Variants in MYO1D observed in about 807,000 individuals in gnomAD.
MYO1D encodes the protein myosin ID, also known as unconventional myosin-Id.
In MYO1D, 83 loss-of-function variants were observed where a neutral mutation model predicts 122.0. The observed-to-expected ratio is 0.68, with a 90% CI of 0.57 to 0.82. The LOEUF is 0.82. MYO1D is among the 40% of genes least tolerant of loss of function. The pLI is 0.00. For missense variants in MYO1D, 1,157 were observed against 1,269.5 expected, an observed-to-expected ratio of 0.91 and a Z score of 1.35; for synonymous variants, 464 against 446.9, an observed-to-expected ratio of 1.04 and a Z score of -0.48.
At chr17:32,759,656 G>A (rs2151015548) in intron 10 of MYO1D, among the ~76,000 whole-genome samples, 1 of 152,042 alleles carries the variant, frequency 6.6e-6, no homozygotes, top group South Asian at 2.1e-4. Context: ...AACCAAACAA[G>A]TCATGCCTTT....
At chr17:32,679,552 C>T (rs1393208803) in intron 16 of MYO1D, among the ~76,000 whole-genome samples, 1 of 152,012 alleles carries the variant, frequency 6.6e-6, no homozygotes, top group Non-Finnish European at 1.5e-5. Flanking sequence ...TCAGGTTTGT[C>T]AAAGATCAGA....
chr17:32,772,923 C>A, intron 4 of MYO1D, 81 bp from the exon 5 acceptor site: 1 of 1,143,750 alleles, frequency 8.7e-7, no homozygotes, highest in South Asian at 1.2e-5. Context: ...AGGGAACTGT[C>A]AGGCCTCTGA....
intron 1 of MYO1D, among the ~76,000 whole-genome samples, chr17:32,803,130 G>A (rs889030912): frequency 1.3e-5 from 2 of 152,030 alleles, no homozygotes; most frequent in African/African-American, 4.8e-5. Context: ...GAACCAAGTT[G>A]TGCCAGAACT....
chr17:32,799,692 A>C (rs1457541181), intron 1 of MYO1D, among the ~76,000 whole-genome samples: 1 of 152,066 alleles, frequency 6.6e-6, no homozygotes, highest in Non-Finnish European at 1.5e-5. Context: ...AAAACCAGAC[A>C]AATGGGATTG....
chr17:32,831,851 G>A (rs969052650), intron 1 of MYO1D, among the ~76,000 whole-genome samples: 4 of 152,102 alleles, frequency 2.6e-5, no homozygotes, highest in African/African-American at 9.7e-5. Flanking sequence ...AATTTGAATG[G>A]CCTGATCAGG....
intron 21 of MYO1D, among the ~76,000 whole-genome samples, chr17:32,584,687 G>A (rs1473230995): frequency 2.0e-5 from 3 of 151,872 alleles, no homozygotes; most frequent in Non-Finnish European, 4.4e-5. Context: ...AGAGACAAGA[G>A]TCTTGCCATG....
chr17:32,556,551 A>ATTT lies in MYO1D; in HGVS notation c.2864+48533_2864+48535dup, dbSNP rs66782964. On this transcript the variant is annotated intron_variant, in intron 21 of 21. Coordinates refer to ENST00000318217, the MANE Select transcript of MYO1D (RefSeq NM_015194.3). ...TGCAGACACAGGGTTTATGGCCACA[A>ATTT]TTTTTTTTTTTTTTTTTAAGATGGG... Among the ~76,000 whole-genome samples the ATTT allele has an allele frequency of 4.5e-3, 624 of 139,614 alleles. 10 individuals carry two copies. Among genetic ancestry groups the ATTT allele is most frequent in the African/African-American group, 0.014 (534 of 37,158 alleles). 91.6% of individuals were successfully genotyped at this position (139,614 alleles called of 152,430 possible).
At chr17:32,806,074 C>A (rs112939318) in intron 1 of MYO1D, among the ~76,000 whole-genome samples, 1 of 152,030 alleles carries the variant, frequency 6.6e-6, no homozygotes, top group Admixed American at 6.5e-5. Flanking sequence ...CTGGCTAGCA[C>A]GGTGAAACCC....
At chr17:32,647,022 T>C (rs1446480275) in intron 19 of MYO1D, among the ~76,000 whole-genome samples, 1 of 152,244 alleles carries the variant, frequency 6.6e-6, no homozygotes, top group Non-Finnish European at 1.5e-5. Context: ...TTTCTTCTAT[T>C]ATCCAAAACT....
intron 16 of MYO1D, among the ~76,000 whole-genome samples, chr17:32,678,390 C>T (rs1263126496): frequency 1.4e-4 from 21 of 148,930 alleles, no homozygotes; most frequent in Non-Finnish European, 2.5e-4. Context: ...GTATATCTCC[C>T]GATGCTATCC....
chr17:32,608,046 A>G (rs1325182712), intron 20 of MYO1D, among the ~76,000 whole-genome samples: 2 of 152,220 alleles, frequency 1.3e-5, no homozygotes, highest in African/African-American at 2.4e-5. Context: ...AGGAGAAAAC[A>G]TAGAAGAAAA....
At chr17:32,815,416 C>T (rs776516038) in intron 1 of MYO1D, among the ~76,000 whole-genome samples, 3 of 152,174 alleles carry the variant, frequency 2.0e-5, no homozygotes, top group South Asian at 2.1e-4. Context: ...TCATTCCAAA[C>T]TTGTGGCTCA....
At chr17:32,602,992 T>C (rs2087580016) in intron 21 of MYO1D, among the ~76,000 whole-genome samples, 1 of 152,128 alleles carries the variant, frequency 6.6e-6, no homozygotes, top group South Asian at 2.1e-4. Flanking sequence ...AAGCCTGACT[T>C]TTCTGGGGTC....
intron 20 of MYO1D, among the ~76,000 whole-genome samples, chr17:32,620,682 T>C (rs2087843873): frequency 1.3e-5 from 2 of 152,192 alleles, no homozygotes; most frequent in South Asian, 4.1e-4. Flanking sequence ...GTGAGACAGG[T>C]AGGGAGAAAT....
chr17:32,553,632 G>A (rs225187), intron 21 of MYO1D, among the ~76,000 whole-genome samples: 12,601 of 152,098 alleles, frequency 0.083, 654 homozygotes, highest in East Asian at 0.14. Flanking sequence ...TTTTTCTCTC[G>A]GCACTGCTGT....
intron 21 of MYO1D, among the ~76,000 whole-genome samples, chr17:32,548,613 C>T (rs1351967440): frequency 6.6e-6 from 1 of 152,046 alleles, no homozygotes; most frequent in East Asian, 1.9e-4. Flanking sequence ...ATCCTGTTTT[C>T]CAGTGCCAGT....
At chr17:32,532,710 T>C (rs1364302444) in intron 21 of MYO1D, among the ~76,000 whole-genome samples, 3 of 115,160 alleles carry the variant, frequency 2.6e-5, no homozygotes, top group Admixed American at 1.2e-4. Flanking sequence ...GGCGACAGAG[T>C]GAGACTCCGT....
At chr17:32,797,636 A>G (rs1445664138) in intron 1 of MYO1D, among the ~76,000 whole-genome samples, 1 of 152,242 alleles carries the variant, frequency 6.6e-6, no homozygotes, top group East Asian at 1.9e-4. Flanking sequence ...ACATATAGAA[A>G]AAAACAGTAT....
chr17:32,593,520 A>G (rs1435146463), intron 21 of MYO1D, among the ~76,000 whole-genome samples: 1 of 152,206 alleles, frequency 6.6e-6, no homozygotes, highest in Non-Finnish European at 1.5e-5. Flanking sequence ...AGTACAGAAG[A>G]CGGAGGGAAT....
Sources: allele counts gnomAD v4.1 joint callset (sites outside exome capture counted in the v4.1 genomes callset), GRCh38; gene constraint gnomAD v4.1.1; transcripts MANE v1.5; gene names NCBI Gene and HGNC (gene_info 2026-07-23, HGNC 2026-07-21).